Variants in LARGE1 observed in about 807,000 individuals in gnomAD.
The protein encoded by LARGE1 is xylosyl- and glucuronyltransferase LARGE1.
LARGE1 carries 43 observed loss-of-function variants against 87.6 expected under a neutral mutation model. The ratio of observed to expected loss-of-function variants is 0.49; its 90% CI spans 0.38 to 0.63. The LOEUF is 0.63. Ranked by LOEUF, LARGE1 falls within the 30% of genes least tolerant of loss-of-function variation. The pLI is 0.00. For missense variants in LARGE1, 802 were observed against 1,000.2 expected (o/e 0.80, Z 2.67); for synonymous variants, 434 against 394.6 (o/e 1.10, Z -1.18).
Position 33,210,872 on chromosome 22 carries a change from G to A in LARGE1, c.1731-44040C>T, listed in dbSNP as rs371574059. Among the ~76,000 whole-genome samples the A allele has an allele frequency of 1.9e-3, 287 of 152,342 alleles. 7 individuals carry two copies. The South Asian group carries it at 0.051, about 27-fold the overall frequency. On this transcript the variant is annotated intron_variant, in intron 11 of 11. Coordinates refer to the LARGE1 transcript ENST00000608642. ...CAAAATGTGGGTGAGTCATTGCCCC[G>A]GGGCCTTGCATTCATTGGCTCTGGC...
intron 1 of LARGE1, among the ~76,000 whole-genome samples, chr22:33,919,657 C>T (rs963998439): frequency 1.3e-5 from 2 of 152,260 alleles, no homozygotes; most frequent in Admixed American, 6.5e-5. Flanking sequence ...GCAGGCTCCG[C>T]GAACCACAGG....
At chr22:33,292,170 G>A (rs920357957) in intron 12 of LARGE1, among the ~76,000 whole-genome samples, 30 of 152,018 alleles carry the variant, frequency 2.0e-4, no homozygotes, top group African/African-American at 6.8e-4. Flanking sequence ...CCCAGACAAC[G>A]AATCTGCCAC....
chr22:33,469,886 C>T (rs1273517640), intron 6 of LARGE1, among the ~76,000 whole-genome samples: 1 of 117,016 alleles, frequency 8.5e-6, no homozygotes, highest in Admixed American at 9.6e-5. Context: ...TATGTTTACT[C>T]TTTTTTTTTT....
At chr22:33,854,677 T>TAAAA (rs3072344) in intron 1 of LARGE1, among the ~76,000 whole-genome samples, 1 of 149,010 alleles carries the variant, frequency 6.7e-6, no homozygotes, top group African/African-American at 2.5e-5. Context: ...CCAGTTTATT[T>TAAAA]AAAAAAAAAA....
chr22:33,891,727 A>T (rs1355394970), intron 1 of LARGE1, among the ~76,000 whole-genome samples: 3 of 152,224 alleles, frequency 2.0e-5, no homozygotes, highest in African/African-American at 7.2e-5. Context: ...TAAGCACTGT[A>T]AATGTTGGCT....
chr22:33,580,559 C>T (rs942688660), intron 5 of LARGE1, among the ~76,000 whole-genome samples: 7 of 152,074 alleles, frequency 4.6e-5, no homozygotes, highest in African/African-American at 1.7e-4. Flanking sequence ...AGTGAGTGAG[C>T]TCGAGACGCT....
chr22:33,094,588 T>C, the LARGE1 span, among the ~76,000 whole-genome samples: 1 of 151,708 alleles, frequency 6.6e-6, no homozygotes, highest in Non-Finnish European at 1.5e-5. Context: ...CTCTACTTTT[T>C]CTTTCTTTCT....
chr22:33,842,282 A>G (rs376413000), intron 1 of LARGE1, among the ~76,000 whole-genome samples: 1 of 152,210 alleles, frequency 6.6e-6, no homozygotes, highest in East Asian at 1.9e-4. Flanking sequence ...CTTACTATTC[A>G]GCTAGAGATT....
chr22:33,541,028 C>G lies in LARGE1; in HGVS notation c.787+23820G>C, dbSNP rs1310860467. Among the ~76,000 whole-genome samples the G allele has an allele frequency of 9.5e-5, 6 of 63,168 alleles. No individual in the cohort carries two copies. In the South Asian group the frequency reaches 1.6e-3, roughly 16 times the overall value. The allele number at this position is 63,168 out of a possible 152,430, so 41.4% of individuals were successfully genotyped here. A position where few individuals can be genotyped will look rare whatever the true frequency, so the allele number is the denominator to read the frequency against. On this transcript the variant is annotated intron_variant, in intron 6 of 14. Coordinates refer to ENST00000397394, the MANE Select transcript of LARGE1 (RefSeq NM_133642.5). The stretch of plus-strand genomic sequence containing the variant: ...TGGTGCACACCTGTAGTTACAGCTA[C>G]TCATGGTGGCTGGGGTGGTGGGTTG...
At chr22:33,917,898 G>C (rs1404858879) in intron 1 of LARGE1, among the ~76,000 whole-genome samples, 1 of 151,958 alleles carries the variant, frequency 6.6e-6, no homozygotes. Flanking sequence ...ATAAACCACA[G>C]GCTCATGAAC....
rs535130788 is a variant in LARGE1, at chr22:33,699,984, T to C, written c.107-49316A>G. 1.4e-4 allele frequency among the ~76,000 whole-genome samples: 22 copies of C among 152,336 alleles called. 2 individuals are homozygous for C. Among genetic ancestry groups the C allele is most frequent in the African/African-American group, 2.9e-4 (12 of 41,568 alleles). ...TGTCTATTTTCAAGATTGATTTACA[T>C]TGCAGGTTCCGATGCAACCACTGAC... is the stretch of plus-strand genomic sequence containing the variant. On this transcript the variant is annotated intron_variant, in intron 2 of 14. Coordinates refer to ENST00000397394, the MANE Select transcript of LARGE1 (RefSeq NM_133642.5).
intron 1 of LARGE1, among the ~76,000 whole-genome samples, chr22:33,911,444 C>T (rs1459368396): frequency 2.0e-5 from 3 of 152,064 alleles, no homozygotes; most frequent in African/African-American, 7.2e-5. Context: ...CCAATATGGT[C>T]GAGGAGAGTT....
chr22:33,768,062 C>A (rs1167555464), intron 1 of LARGE1, among the ~76,000 whole-genome samples: 3 of 152,236 alleles, frequency 2.0e-5, no homozygotes, highest in South Asian at 2.1e-4. Context: ...GTAATCCCAA[C>A]ACTTTGGGAG....
In LARGE1 at chr22:33,540,946, C is replaced by T. The variant is rs971040915; in HGVS notation, c.787+23902G>A. On this transcript the variant is annotated intron_variant, in intron 6 of 14. Coordinates refer to ENST00000397394, the MANE Select transcript of LARGE1 (RefSeq NM_133642.5). ...CACAGGAGTTCAAGACCAGCTTGGGCAACGTGGCAAAACCCCATCTCTATT... is the reference window on the plus strand; with the variant it reads ...CACAGGAGTTCAAGACCAGCTTGGGTAACGTGGCAAAACCCCATCTCTATT... Among the ~76,000 whole-genome samples the T allele has an allele frequency of 2.6e-5, 4 of 151,108 alleles. No homozygotes were observed. In the East Asian group the frequency reaches 5.8e-4, roughly 22 times the overall value.
intron 6 of LARGE1, among the ~76,000 whole-genome samples, chr22:33,556,466 T>C (rs989675000): frequency 2.1e-5 from 3 of 146,156 alleles, no homozygotes; most frequent in African/African-American, 7.6e-5. Flanking sequence ...AGTAAATTAA[T>C]GAAAGAATGA....
chr22:33,266,263 C>T (rs1430548356), intron 11 of LARGE1, among the ~76,000 whole-genome samples: 1 of 135,704 alleles, frequency 7.4e-6, no homozygotes, highest in African/African-American at 3.2e-5. Flanking sequence ...CTCTTGTTGC[C>T]CAGGCTGGAG....
intron 10 of LARGE1, among the ~76,000 whole-genome samples, chr22:33,317,964 C>T (rs1025804479): frequency 6.6e-6 from 1 of 151,018 alleles, no homozygotes; most frequent in South Asian, 2.1e-4. Context: ...TGGCCAGGCA[C>T]GGTGGCTCAC....
At chr22:33,309,153 T>A (rs563311759) in intron 11 of LARGE1, among the ~76,000 whole-genome samples, 35 of 151,456 alleles carry the variant, frequency 2.3e-4, no homozygotes, top group Non-Finnish European at 4.6e-4. Flanking sequence ...TGGAACTCTC[T>A]TGAATGAGAT....
intron 10 of LARGE1, among the ~76,000 whole-genome samples, chr22:33,326,626 C>A (rs1447789342): frequency 3.9e-5 from 6 of 152,184 alleles, no homozygotes; most frequent in African/African-American, 1.4e-4. Context: ...TGGGATTTCA[C>A]ATGAGGCAGC....
Sources: gnomAD v4.1 joint callset for allele counts (sites outside exome capture counted in the v4.1 genomes callset) on GRCh38, gnomAD v4.1.1 for gene constraint, MANE v1.5 for transcripts, NCBI Gene and HGNC (gene_info 2026-07-23, HGNC 2026-07-21) for gene names.